IL1RAPL2: variants seen among roughly 807,000 people sequenced by gnomAD.
IL1RAPL2 encodes the protein interleukin 1 receptor accessory protein like 2.
A neutral mutation model predicts 44.1 loss-of-function variants in IL1RAPL2; 3 were observed. That is an observed-to-expected ratio of 0.07 (90% CI 0.03 to 0.18). The LOEUF (loss-of-function observed/expected upper bound fraction) is 0.18, where lower values mean the gene tolerates loss of function less well. IL1RAPL2 is among the 10% of genes least tolerant of loss of function. The pLI is 1.00. For missense variants in IL1RAPL2, 391 were observed against 496.4 expected (o/e 0.79, Z 2.02); for synonymous variants, 181 against 178.8 (o/e 1.01, Z -0.10).
chrX:104,960,987 C>A (rs2029994032), intron 2 of IL1RAPL2, among the ~76,000 whole-genome samples: 1 of 111,468 alleles, frequency 9.0e-6, no homozygotes, highest in Non-Finnish European at 1.9e-5. Context: ...AAAGCATACA[C>A]AAATTAAAAT....
chrX:104,944,222 C>A (rs1925281737), intron 2 of IL1RAPL2, among the ~76,000 whole-genome samples: 1 of 111,861 alleles, frequency 8.9e-6, no homozygotes, highest in South Asian at 3.7e-4. Flanking sequence ...AATATTTATA[C>A]CTCCTCTAGT....
At chrX:104,755,797 C>T (rs1602712454) in intron 2 of IL1RAPL2, among the ~76,000 whole-genome samples, 1 of 111,272 alleles carries the variant, frequency 9.0e-6, no homozygotes, top group East Asian at 2.8e-4. Context: ...CTAGAATTTA[C>T]TGGGATTACT....
intron 2 of IL1RAPL2, among the ~76,000 whole-genome samples, chrX:104,966,355 G>A (rs760866003): frequency 8.1e-5 from 9 of 110,935 alleles, no homozygotes; most frequent in African/African-American, 2.3e-4. Flanking sequence ...TAAAATATAG[G>A]GGCAGTAGAA....
In IL1RAPL2 at chrX:104,938,685, A is replaced by C. The variant is rs185240922; in HGVS notation, c.83-256790A>C. On this transcript the variant is annotated intron_variant, in intron 2 of 10. Transcript: ENST00000372582. ...ATTCACTAGAGTATACAAAAAAAAA[A>C]AACCCAGTAATAGCATCCACATGGT... Among the ~76,000 whole-genome samples the C allele has an allele frequency of 6.5e-3, 712 of 109,918 alleles. 3 individuals are homozygous for C. The highest frequency in any genetic ancestry group is 0.022 in the African/African-American group (677 of 30,319).
intron 2 of IL1RAPL2, among the ~76,000 whole-genome samples, chrX:104,758,337 T>C (rs1290335223): frequency 9.0e-6 from 1 of 111,481 alleles, no homozygotes; most frequent in Non-Finnish European, 1.9e-5. Context: ...CATCTTATCA[T>C]GTTGAGTTTT....
At chrX:105,055,095 C>T (rs1168503986) in intron 2 of IL1RAPL2, among the ~76,000 whole-genome samples, 1 of 111,733 alleles carries the variant, frequency 8.9e-6, no homozygotes, top group Non-Finnish European at 1.9e-5. Flanking sequence ...TAACAAAGTC[C>T]CATAGACTGG....
chrX:104,567,879 A>G, intron 1 of IL1RAPL2, among the ~76,000 whole-genome samples: 1 of 112,383 alleles, frequency 8.9e-6, no homozygotes, highest in East Asian at 2.8e-4. Flanking sequence ...AGACCCTGGC[A>G]AGGGAAATGT....
rs1004605349 is a variant in IL1RAPL2, at chrX:105,501,655, C to T, written c.772+17268C>T. ...CAACAACAACAACAACAACGACAAA[C>T]CCATAGAGTCTTAAAATTGCAAGGA... On this transcript the variant is annotated intron_variant, in intron 6 of 10. Coordinates refer to ENST00000372582, the MANE Select transcript of IL1RAPL2 (RefSeq NM_017416.2). 4.5e-5 allele frequency among the ~76,000 whole-genome samples: 5 copies of T among 111,332 alleles called. No homozygotes were observed. The East Asian group carries it at 1.1e-3, about 25-fold the overall frequency.
Position 104,855,681 on chromosome X carries a change from G to GTGTTTTTTTTTTTTTTTTTTTTTTT in IL1RAPL2, c.82+196687_82+196688insGTTTTTTTTTTTTTTTTTTTTTTTT. Among the ~76,000 whole-genome samples, 36 of 53,861 alleles carry GTGTTTTTTTTTTTTTTTTTTTTTTT rather than the reference G, an allele frequency of 6.7e-4. 8 individuals are homozygous for GTGTTTTTTTTTTTTTTTTTTTTTTT. The highest frequency in any genetic ancestry group is 1.1e-3 in the Non-Finnish European group (26 of 24,619). The allele number at this position is 53,861 out of a possible 115,157, so 46.8% of individuals were successfully genotyped here. On this transcript the variant is annotated intron_variant, in intron 2 of 10. Transcript: ENST00000372582. Reference sequence around the variant, plus strand: ...TTAACTGTGCTAAGGATCTGGATCCGTTTTTTTTTTTTTTTTTACTGTATC... The same window carrying GTGTTTTTTTTTTTTTTTTTTTTTTT: ...TTAACTGTGCTAAGGATCTGGATCCGTGTTTTTTTTTTTTTTTTTTTTTTTTTTTTTTTTTTTTTTTTACTGTATC...
At chrX:105,002,553 C>T (rs2030869772) in intron 2 of IL1RAPL2, among the ~76,000 whole-genome samples, 1 of 110,676 alleles carries the variant, frequency 9.0e-6, no homozygotes, top group Middle Eastern at 4.2e-3. Flanking sequence ...ATCTTATAAA[C>T]GATGGTCCAT....
chrX:104,772,840 C>A (rs1279341692), intron 2 of IL1RAPL2, among the ~76,000 whole-genome samples: 2 of 111,811 alleles, frequency 1.8e-5, no homozygotes, highest in Non-Finnish European at 3.8e-5. Context: ...GAGACTTAAC[C>A]CTGCCTTTCA....
chrX:105,178,372 T>G (rs182551907), intron 2 of IL1RAPL2, among the ~76,000 whole-genome samples: 34 of 112,417 alleles, frequency 3.0e-4, no homozygotes, highest in African/African-American at 1.1e-3. Context: ...TCCAGTCATC[T>G]GTTGATGAAT....
chrX:104,792,705 C>T (rs1480531190), intron 2 of IL1RAPL2, among the ~76,000 whole-genome samples: 1 of 110,913 alleles, frequency 9.0e-6, no homozygotes, highest in African/African-American at 3.3e-5. Flanking sequence ...AGCAAAGAGT[C>T]CTGCAGTTAT....
chrX:104,740,324 T>C (rs1484270477), intron 2 of IL1RAPL2, among the ~76,000 whole-genome samples: 1 of 110,971 alleles, frequency 9.0e-6, no homozygotes, highest in Non-Finnish European at 1.9e-5. Flanking sequence ...TTAAAAGTCA[T>C]TGCTTATTTA....
intron 6 of IL1RAPL2, among the ~76,000 whole-genome samples, chrX:105,541,025 C>T (rs367926089): frequency 5.0e-5 from 5 of 99,284 alleles, no homozygotes; most frequent in East Asian, 6.1e-4. Flanking sequence ...TATATATTGC[C>T]ATTTGCTTAG....
chrX:105,509,459 C>G, intron 6 of IL1RAPL2, among the ~76,000 whole-genome samples: 1 of 112,018 alleles, frequency 8.9e-6, no homozygotes, highest in Non-Finnish European at 1.9e-5. Context: ...AAATTGGCTT[C>G]ATTGGTAGCC....
intron 5 of IL1RAPL2, among the ~76,000 whole-genome samples, chrX:105,369,316 A>G (rs748660217): frequency 1.7e-4 from 19 of 111,164 alleles, no homozygotes; most frequent in Admixed American, 5.8e-4. Context: ...TTTCTCACCA[A>G]TCAGCCCACC....
intron 2 of IL1RAPL2, among the ~76,000 whole-genome samples, chrX:105,040,455 G>T (rs2031710401): frequency 9.0e-6 from 1 of 111,354 alleles, no homozygotes; most frequent in Non-Finnish European, 1.9e-5. Context: ...CAGAAGGAAT[G>T]GTACCAGTTC....
chrX:105,365,684 T>C (rs1279743214), intron 5 of IL1RAPL2, among the ~76,000 whole-genome samples: 1 of 111,887 alleles, frequency 8.9e-6, no homozygotes, highest in Non-Finnish European at 1.9e-5. Flanking sequence ...TTTGTTGATG[T>C]ATAGTTTGTC....
Sources: allele counts gnomAD v4.1 joint callset (sites outside exome capture counted in the v4.1 genomes callset), GRCh38; gene constraint gnomAD v4.1.1; transcripts MANE v1.5; gene names NCBI Gene and HGNC (gene_info 2026-07-23, HGNC 2026-07-21).